Variants in NHEJ1 observed in about 807,000 individuals in gnomAD.
The protein encoded by NHEJ1 is non-homologous end-joining factor 1.
In NHEJ1, 22 loss-of-function variants were observed where a neutral mutation model predicts 39.4. The ratio of observed to expected loss-of-function variants is 0.56; its 90% CI spans 0.40 to 0.80. The LOEUF is 0.80. Among genes scored for constraint, NHEJ1 ranks in the 30% least tolerant of loss-of-function variants. NHEJ1 has a pLI of 0.00. For missense variants in NHEJ1, 329 were observed against 357.1 expected, an observed-to-expected ratio of 0.92 and a Z score of 0.63; for synonymous variants, 154 against 135.6, an observed-to-expected ratio of 1.14 and a Z score of -0.94.
At position 219,080,550 on chromosome 2, in the gene NHEJ1, A is replaced by AATAT. The variant is rs543049110; in HGVS notation, c.589-2348_589-2345dup. Among the ~76,000 whole-genome samples the AATAT allele has an allele frequency of 7.3e-5, 10 of 136,390 alleles. No individual in the cohort carries two copies. The East Asian group carries it at 1.2e-3, about 16-fold the overall frequency. 89.5% of individuals were successfully genotyped at this position (136,390 alleles called of 152,430 possible). On this transcript the variant is annotated intron_variant, in intron 5 of 7. Coordinates refer to ENST00000356853, the MANE Select transcript of NHEJ1 (RefSeq NM_024782.3). ...AAAAAAAAATAAATAAATAAATAAA[A>AATAT]ATATATATATATATATATGCTTTTA...
chr2:219,135,368 A>G (rs1949617329), intron 5 of NHEJ1, among the ~76,000 whole-genome samples: 1 of 152,166 alleles, frequency 6.6e-6, no homozygotes, highest in Non-Finnish European at 1.5e-5. Flanking sequence ...GCACTTTGGG[A>G]GGCCGAGGTG....
intron 5 of NHEJ1, among the ~76,000 whole-genome samples, chr2:219,129,905 C>T (rs920740944): frequency 1.3e-5 from 2 of 152,038 alleles, no homozygotes; most frequent in Non-Finnish European, 2.9e-5. Context: ...GCTGTTTTTA[C>T]TGCCGAGGTT....
intron 7 of NHEJ1, among the ~76,000 whole-genome samples, chr2:219,076,704 T>C (rs1949017758): frequency 6.6e-6 from 1 of 151,976 alleles, no homozygotes; most frequent in African/African-American, 2.4e-5. Flanking sequence ...CTGCCATATC[T>C]GGCTAATTTT....
At position 219,111,144 on chromosome 2, in the gene NHEJ1, T is replaced by C. The variant is rs1312534279; in HGVS notation, c.589-32938A>G. On this transcript the variant is annotated intron_variant, in intron 5 of 7. Transcript: ENST00000356853. This position sits in a 1 kb window ranked among gnomAD's most constrained non-coding sequence, Gnocchi z 4.1. Reference sequence around the variant, plus strand: ...TAAGGACCAGAGGGGGGAAAATCATTTTAAAGATGATTTTAGAACTGGAAT... The same window carrying C: ...TAAGGACCAGAGGGGGGAAAATCATCTTAAAGATGATTTTAGAACTGGAAT... 6.6e-6 allele frequency among the ~76,000 whole-genome samples: 1 copy of C among 152,088 alleles called. No individual in the cohort carries two copies. The highest frequency in any genetic ancestry group is 1.5e-5 in the Non-Finnish European group (1 of 68,026).
intron 5 of NHEJ1, among the ~76,000 whole-genome samples, chr2:219,135,475 G>T (rs537171778): frequency 6.6e-6 from 1 of 152,226 alleles, no homozygotes; most frequent in Non-Finnish European, 1.5e-5. Flanking sequence ...CAGGCGTGGT[G>T]GCAGGTGCCT....
intron 5 of NHEJ1, among the ~76,000 whole-genome samples, chr2:219,094,942 C>G (rs1949192486): frequency 6.6e-6 from 1 of 152,060 alleles, no homozygotes; most frequent in African/African-American, 2.4e-5. Context: ...AGGCCTTGAC[C>G]CTCCAAACCA....
intron 3 of NHEJ1, 91 bp from the exon 4 acceptor site, chr2:219,147,886 A>C: frequency 2.3e-6 from 3 of 1,325,634 alleles, no homozygotes; most frequent in Non-Finnish European, 3.2e-6. Context: ...CCGAAAAATA[A>C]ATGTTCTTAC....
chr2:219,102,266 T>C (rs532570290), intron 5 of NHEJ1, among the ~76,000 whole-genome samples: 60 of 152,314 alleles, frequency 3.9e-4, no homozygotes, highest in African/African-American at 1.1e-3. Flanking sequence ...CCAACCAAAA[T>C]TGCATAAAGT....
chr2:219,117,954 T>A (rs1559195180), intron 5 of NHEJ1, among the ~76,000 whole-genome samples: 1 of 152,222 alleles, frequency 6.6e-6, no homozygotes, highest in Admixed American at 6.5e-5. Context: ...GTGGTAAGGG[T>A]GGACAGGTCC....
chr2:219,139,178 C>T (rs1458203173), intron 5 of NHEJ1, among the ~76,000 whole-genome samples: 1 of 151,996 alleles, frequency 6.6e-6, no homozygotes, highest in Admixed American at 6.6e-5. Context: ...ACCTCTGCCT[C>T]CCGGGTTCAA....
At chr2:219,139,754 G>A (rs1366004462) in intron 5 of NHEJ1, among the ~76,000 whole-genome samples, 2 of 152,050 alleles carry the variant, frequency 1.3e-5, no homozygotes, top group African/African-American at 4.8e-5. Flanking sequence ...TCGGCTCACT[G>A]CAAGCTCTGA....
intron 5 of NHEJ1, among the ~76,000 whole-genome samples, chr2:219,138,556 G>A (rs934778409): frequency 1.3e-5 from 2 of 152,222 alleles, no homozygotes; most frequent in Non-Finnish European, 2.9e-5. Flanking sequence ...CCTACTATGT[G>A]TGGAGGCACT....
intron 5 of NHEJ1, among the ~76,000 whole-genome samples, chr2:219,126,831 C>A (rs1298061258): frequency 1.3e-5 from 2 of 152,152 alleles, no homozygotes; most frequent in African/African-American, 4.8e-5. Context: ...CAGGAGTTAC[C>A]CAAGTGAAAA....
At chr2:219,096,938 G>C (rs7599778) in intron 5 of NHEJ1, among the ~76,000 whole-genome samples, 109,961 of 152,066 alleles carry the variant, frequency 0.72, 40,259 homozygotes, top group Non-Finnish European at 0.77. Flanking sequence ...TGAACTGACT[G>C]AGAACTTTAA....
In NHEJ1 at chr2:219,102,930, G is replaced by A. The variant is rs1160584873; in HGVS notation, c.589-24724C>T. ...TGAGGCAGGAGAATGGCGTGAACCC[G>A]GGAGGCGGAGCTTGCAGTGAGCCGA... On this transcript the variant is annotated intron_variant, in intron 5 of 7. Coordinates refer to ENST00000356853, the MANE Select transcript of NHEJ1 (RefSeq NM_024782.3). 4.8e-4 allele frequency among the ~76,000 whole-genome samples: 70 copies of A among 147,008 alleles called. No homozygotes were observed. In the Middle Eastern group the frequency reaches 0.014, roughly 29 times the overall value.
In NHEJ1 at chr2:219,074,450, A is replaced by G. The variant is rs1948993428; in HGVS notation, c.*1931T>C. Among the ~76,000 whole-genome samples the G allele has an allele frequency of 6.6e-6, 1 of 152,176 alleles. No homozygotes were observed. Among genetic ancestry groups the G allele is most frequent in the African/African-American group, 2.4e-5 (1 of 41,444 alleles). On this transcript the variant is annotated 3_prime_UTR_variant, in exon 8 of 8. Transcript: ENST00000356853. The stretch of plus-strand genomic sequence containing the variant: ...TGACTATCTAAATTATGCTGAAAAG[A>G]AACGAAAGATCGGCCAGGCACAGTG...
At chr2:219,079,255 G>A (rs1949041704) in intron 5 of NHEJ1, among the ~76,000 whole-genome samples, 1 of 147,364 alleles carries the variant, frequency 6.8e-6, no homozygotes, top group Non-Finnish European at 1.5e-5. Context: ...CCTGTCCCTA[G>A]GCGTGCAAAT....
Position 219,077,270 on chromosome 2 carries a change from G to C in NHEJ1, c.801C>G (p.Leu267=). 6.2e-7 allele frequency: 1 copy of C among 1,614,010 alleles called. No individual in the cohort carries two copies. Among genetic ancestry groups the C allele is most frequent in the Non-Finnish European group, 8.5e-7 (1 of 1,179,902 alleles). The change falls in exon 7 of 8, where the codon CTC becomes CTG. Residue 267 remains leucine, a synonymous_variant. Coordinates refer to ENST00000356853, the MANE Select transcript of NHEJ1 (RefSeq NM_024782.3). Reference sequence around the variant, plus strand: ...CCGTGGACTCTTTCTCAGGTGCTGAGAGGGTTGGGGCTGAGGAGACCAGTT... The same window carrying C: ...CCGTGGACTCTTTCTCAGGTGCTGACAGGGTTGGGGCTGAGGAGACCAGTT... ...PEQLVSSAPT[L]SAPEKESTGT...
At chr2:219,096,758 TA>T (rs1949212084) in intron 5 of NHEJ1, among the ~76,000 whole-genome samples, 1 of 151,956 alleles carries the variant, frequency 6.6e-6, no homozygotes, top group Admixed American at 6.6e-5. Flanking sequence ...AACAAAACAG[TA>T]AGGTGACCAA....
Sources: allele counts gnomAD v4.1 joint callset (sites outside exome capture counted in the v4.1 genomes callset), GRCh38; gene constraint gnomAD v4.1.1; non-coding constraint Gnocchi (gnomAD v3.1); transcripts MANE v1.5; gene names NCBI Gene and HGNC (gene_info 2026-07-23, HGNC 2026-07-21).